SLC4A5: variants seen among roughly 807,000 people sequenced by gnomAD.
SLC4A5 encodes electrogenic sodium bicarbonate cotransporter 4.
Under a neutral mutation model 120.4 loss-of-function variants are expected in SLC4A5, and 96 were observed. The ratio of observed to expected loss-of-function variants is 0.80; its 90% CI spans 0.68 to 0.94. SLC4A5 has a LOEUF of 0.94. Among genes scored for constraint, SLC4A5 ranks in the 40% least tolerant of loss-of-function variants. The pLI is 0.00. For synonymous variants in SLC4A5, 550 were observed against 571.1 expected (o/e 0.96, Z 0.53); for missense variants, 1,259 against 1,459.5 (o/e 0.86, Z 2.24).
exon 10 of SLC4A5, chr2:74,264,186 G>A (rs376704690): frequency 4.1e-5 from 66 of 1,614,074 alleles, no homozygotes; most frequent in Non-Finnish European, 4.2e-5. Flanking sequence ...GCTAAGGAGC[G>A]GTGGATGGGC....
At chr2:74,220,662 G>A (rs1327271398) in intron 30 of SLC4A5, among the ~76,000 whole-genome samples, 16 of 138,188 alleles carry the variant, frequency 1.2e-4, no homozygotes, top group East Asian at 4.5e-4. Flanking sequence ...GACTACAGGC[G>A]CCCACCACCA....
At position 74,294,680 on chromosome 2, in the gene SLC4A5, ATT is replaced by A. The variant is rs11326076; in HGVS notation, c.272-8780_272-8779del. Among the ~76,000 whole-genome samples, 142 of 140,086 alleles carry A rather than the reference ATT, an allele frequency of 1.0e-3. 1 individual carries two copies. The highest frequency in any genetic ancestry group is 2.7e-3 in the African/African-American group (102 of 38,392). 91.9% of individuals were successfully genotyped at this position (140,086 alleles called of 152,430 possible). ...ATTTAAAGGCCTCTCAGTTTTTTGG[ATT>A]TTTTTTTTTTTTTTGAGACACAGTC... On this transcript the variant is annotated intron_variant, in intron 7 of 30. Coordinates refer to ENST00000394019, the Ensembl canonical transcript of SLC4A5.
rs1387328162 is a variant in SLC4A5, at chr2:74,255,815, C to A, written c.985G>T (p.Ala329Ser). The change falls in exon 13 of 31, where the codon GCC becomes TCC. Residue 329 changes from alanine to serine, a missense_variant. Physicochemically the swap from Ala to Ser is moderately conservative, Grantham distance 99 (BLOSUM62 1). Coordinates refer to ENST00000394019, the Ensembl canonical transcript of SLC4A5. This position sits in a 1 kb window ranked among gnomAD's most constrained non-coding sequence, Gnocchi z 4.0. ...ACCTCGGTCACTCCTCCCAGCATGG[C>A]CGACTGGATGAGGCGCACGAACGCG... 6.2e-7 allele frequency: 1 copy of A among 1,614,184 alleles called. No homozygotes were observed. The highest frequency in any genetic ancestry group is 8.5e-7 in the Non-Finnish European group (1 of 1,180,048).
chr2:74,292,933 G>A (rs1023078792), intron 7 of SLC4A5, among the ~76,000 whole-genome samples: 4 of 152,152 alleles, frequency 2.6e-5, no homozygotes, highest in African/African-American at 9.7e-5. Flanking sequence ...CCTGACATGG[G>A]TTCACACAGC....
At chr2:74,283,069 A>G (rs1023358434) in intron 8 of SLC4A5, among the ~76,000 whole-genome samples, 3 of 152,208 alleles carry the variant, frequency 2.0e-5, no homozygotes, top group African/African-American at 7.2e-5. Flanking sequence ...TCTGACCCCA[A>G]CAGAATTGCT....
At chr2:74,273,976 C>A (rs1330038819) in intron 8 of SLC4A5, among the ~76,000 whole-genome samples, 1 of 152,224 alleles carries the variant, frequency 6.6e-6, no homozygotes, top group East Asian at 1.9e-4. Context: ...ACCAGCCTGG[C>A]CAACATGGCA....
chr2:74,237,968 G>C (rs1321562976), intron 21 of SLC4A5, among the ~76,000 whole-genome samples: 2 of 152,026 alleles, frequency 1.3e-5, no homozygotes, highest in East Asian at 3.9e-4. Context: ...CGGGTGTGGT[G>C]GCAGGCGCCT....
Position 74,248,163 on chromosome 2 carries a change from AC to A in SLC4A5, c.1787+189del, listed in dbSNP as rs1193404744. 2.0e-5 allele frequency among the ~76,000 whole-genome samples: 3 copies of A among 152,278 alleles called. No individual in the cohort carries two copies. In the East Asian group the frequency reaches 5.8e-4, roughly 29 times the overall value. Reference sequence around the variant, plus strand: ...GTCCCTATGGGCTGTGCCAATATGCACTAAGATGTCTTAAAGGCAGGTAGCT... The same window carrying A: ...GTCCCTATGGGCTGTGCCAATATGCATAAGATGTCTTAAAGGCAGGTAGCT... On this transcript the variant is annotated intron_variant, in intron 18 of 30. Transcript: ENST00000394019.
chr2:74,308,405 T>A (rs10174670), intron 6 of SLC4A5, among the ~76,000 whole-genome samples: 6,059 of 152,310 alleles, frequency 0.04, 418 homozygotes, highest in African/African-American at 0.14. Flanking sequence ...GGCAGTTTTT[T>A]AAAAAATAGC....
intron 5 of SLC4A5, among the ~76,000 whole-genome samples, chr2:74,320,962 A>C (rs1218495128): frequency 6.6e-6 from 1 of 152,218 alleles, no homozygotes; most frequent in East Asian, 1.9e-4. Context: ...CAGTCATAAT[A>C]AATCAAGTGA....
chr2:74,263,274 G>A (rs1177166892), intron 10 of SLC4A5, among the ~76,000 whole-genome samples: 1 of 152,140 alleles, frequency 6.6e-6, no homozygotes. Flanking sequence ...TTGTAGAGAT[G>A]GGGTTTATGC....
intron 5 of SLC4A5, among the ~76,000 whole-genome samples, chr2:74,315,238 G>A (rs372048818): frequency 1.3e-5 from 2 of 151,932 alleles, no homozygotes; most frequent in African/African-American, 4.8e-5. Flanking sequence ...TCAGGAGTTC[G>A]AGACCAGCCT....
intron 5 of SLC4A5, among the ~76,000 whole-genome samples, chr2:74,324,867 C>G (rs1463825870): frequency 6.6e-6 from 1 of 152,116 alleles, no homozygotes; most frequent in Non-Finnish European, 1.5e-5. Flanking sequence ...CTTCCCAGGA[C>G]ATTTCTGCTT....
chr2:74,255,721 A>C lies in SLC4A5; in HGVS notation c.1025+54T>G. Reference sequence around the variant, plus strand: ...GTCAACAGCACTGCTTGCTGACTGCACTGCTGACTGGCTACCTGAGAGTGG... The same window carrying C: ...GTCAACAGCACTGCTTGCTGACTGCCCTGCTGACTGGCTACCTGAGAGTGG... On this transcript the variant is annotated intron_variant, in intron 13 of 30. Coordinates refer to ENST00000394019, the Ensembl canonical transcript of SLC4A5. The surrounding 1 kb of genome is among the most constrained non-coding windows in gnomAD (Gnocchi z 4.0). 1 of 1,604,224 alleles carries C rather than the reference A, an allele frequency of 6.2e-7. No individual in the cohort carries two copies.
intron 19 of SLC4A5, among the ~76,000 whole-genome samples, chr2:74,243,704 T>G (rs907001840): frequency 6.6e-5 from 10 of 152,212 alleles, no homozygotes; most frequent in African/African-American, 2.4e-4. Context: ...CCACCTTTGA[T>G]GTCTTCTGCT....
At chr2:74,219,137 A>T (rs1266184347) in intron 30 of SLC4A5, among the ~76,000 whole-genome samples, 1 of 149,106 alleles carries the variant, frequency 6.7e-6, no homozygotes, top group Non-Finnish European at 1.5e-5. Context: ...CTGCCTGCTT[A>T]GTTTGCCCCA....
At chr2:74,223,069 A>T (rs1260168651) in intron 28 of SLC4A5, 117 bp from the exon 29 acceptor site, 12 of 594,508 alleles carry the variant, frequency 2.0e-5, no homozygotes, top group Non-Finnish European at 2.6e-5. Context: ...CAGTGGTGCG[A>T]TCTCGGCTCA....
At chr2:74,322,915 C>G (rs1364333134) in intron 5 of SLC4A5, among the ~76,000 whole-genome samples, 1 of 152,074 alleles carries the variant, frequency 6.6e-6, no homozygotes, top group Non-Finnish European at 1.5e-5. Flanking sequence ...ATCAGACTAG[C>G]AGAAGACTCC....
At chr2:74,264,489 CGTGTGTGTGTGTGTGTGT>C (rs59538523) in intron 9 of SLC4A5, among the ~76,000 whole-genome samples, 190 bp from the exon 10 acceptor site, 1 of 143,648 alleles carries the variant, frequency 7.0e-6, no homozygotes, top group Non-Finnish European at 1.5e-5. Flanking sequence ...TTCAAGGGCA[CGTGTGTGTGTGTGTGTGT>C]GTGTGTGTGT....
Sources: allele counts gnomAD v4.1 joint callset (sites outside exome capture counted in the v4.1 genomes callset), GRCh38; gene constraint gnomAD v4.1.1; non-coding constraint Gnocchi (gnomAD v3.1); transcripts MANE v1.5; gene names NCBI Gene and HGNC (gene_info 2026-07-23, HGNC 2026-07-21).